EXOC6B: variants seen among roughly 807,000 people sequenced by gnomAD.
EXOC6B encodes the protein SEC15 homolog B.
A neutral mutation model predicts 113.5 loss-of-function variants in EXOC6B; 54 were observed. The ratio of observed to expected loss-of-function variants is 0.48; its 90% confidence interval spans 0.38 to 0.60. The LOEUF is 0.60. Ranked by LOEUF, EXOC6B falls within the 20% of genes least tolerant of loss-of-function variation. EXOC6B has a pLI of 0.00. For synonymous variants in EXOC6B, 357 were observed against 339.0 expected (o/e 1.05, Z -0.58); for missense variants, 797 against 977.5 (o/e 0.82, Z 2.46).
intron 20 of EXOC6B, among the ~76,000 whole-genome samples, chr2:72,205,370 A>G (rs1679775878): frequency 6.6e-6 from 1 of 152,062 alleles, no homozygotes; most frequent in African/African-American, 2.4e-5. Context: ...AGTAGAAAAA[A>G]AAAAAAGGAT....
intron 1 of EXOC6B, among the ~76,000 whole-genome samples, chr2:72,761,866 T>C (rs1022823381): frequency 6.6e-6 from 1 of 152,040 alleles, no homozygotes. Flanking sequence ...TAATCCCAGC[T>C]ACTCAGGAGG....
chr2:72,432,249 T>C (rs1387991604), intron 18 of EXOC6B, among the ~76,000 whole-genome samples: 2 of 152,110 alleles, frequency 1.3e-5, no homozygotes, highest in Non-Finnish European at 2.9e-5. Flanking sequence ...TTGGTCAAGC[T>C]GGTCTCGAAC....
intron 18 of EXOC6B, among the ~76,000 whole-genome samples, chr2:72,407,616 CAT>C (rs1344803570): frequency 6.6e-6 from 1 of 152,172 alleles, no homozygotes; most frequent in Non-Finnish European, 1.5e-5. Context: ...ACAAAAACCA[CAT>C]GATTATCTCA....
chr2:72,781,469 A>C (rs1427393754), intron 1 of EXOC6B, among the ~76,000 whole-genome samples: 1 of 152,228 alleles, frequency 6.6e-6, no homozygotes, highest in Non-Finnish European at 1.5e-5. Flanking sequence ...CTTTTTCTGT[A>C]AATAGCCACA....
chr2:72,189,155 T>A (rs1259817350), intron 20 of EXOC6B, among the ~76,000 whole-genome samples: 1 of 152,230 alleles, frequency 6.6e-6, no homozygotes, highest in Non-Finnish European at 1.5e-5. Flanking sequence ...CACTACATGA[T>A]ATAATTTTAG....
intron 1 of EXOC6B, among the ~76,000 whole-genome samples, chr2:72,798,678 TA>T (rs1440265803): frequency 6.6e-6 from 1 of 152,100 alleles, no homozygotes; most frequent in Non-Finnish European, 1.5e-5. Context: ...ATATTATATA[TA>T]TTTTTATTTT....
chr2:72,781,051 T>C (rs994995173), intron 1 of EXOC6B, among the ~76,000 whole-genome samples: 1 of 152,212 alleles, frequency 6.6e-6, no homozygotes, highest in African/African-American at 2.4e-5. Context: ...GGTAGATTAA[T>C]CTTTCTGTCA....
intron 5 of EXOC6B, 53 bp from the exon 6 acceptor site, chr2:72,718,360 C>T (rs1049625770): frequency 4.0e-6 from 6 of 1,500,232 alleles, no homozygotes; most frequent in South Asian, 2.4e-5. Flanking sequence ...TAGGGTTAGG[C>T]AAAATGTCTA....
chr2:72,736,358 T>C (rs887303540), intron 2 of EXOC6B, among the ~76,000 whole-genome samples: 5 of 152,174 alleles, frequency 3.3e-5, no homozygotes, highest in Non-Finnish European at 7.3e-5. Flanking sequence ...TGAAATAGCA[T>C]TGACAGTTGT....
At chr2:72,339,128 T>C (rs1688877262) in intron 19 of EXOC6B, among the ~76,000 whole-genome samples, 1 of 152,010 alleles carries the variant, frequency 6.6e-6, no homozygotes, top group Non-Finnish European at 1.5e-5. Flanking sequence ...AGAGGAAAAC[T>C]ACCACATGAG....
chr2:72,184,884 GAC>G (rs1678323137), intron 20 of EXOC6B, among the ~76,000 whole-genome samples: 2 of 152,200 alleles, frequency 1.3e-5, no homozygotes, highest in South Asian at 4.1e-4. Context: ...CATGATTGAG[GAC>G]ACAGAGTCTA....
intron 6 of EXOC6B, among the ~76,000 whole-genome samples, chr2:72,695,892 T>C: frequency 6.6e-6 from 1 of 152,198 alleles, no homozygotes; most frequent in East Asian, 1.9e-4. Flanking sequence ...ATCACATCTG[T>C]CAGGGCTGAC....
chr2:72,805,865 A>G (rs1685552650), intron 1 of EXOC6B, among the ~76,000 whole-genome samples: 1 of 152,122 alleles, frequency 6.6e-6, no homozygotes, highest in Non-Finnish European at 1.5e-5. Flanking sequence ...TTCCACATAT[A>G]AGTGAGATCA....
chr2:72,811,928 T>TG (rs1559022420), intron 1 of EXOC6B, among the ~76,000 whole-genome samples: 1 of 152,100 alleles, frequency 6.6e-6, no homozygotes, highest in Admixed American at 6.5e-5. Flanking sequence ...CAAAAAAACC[T>TG]AAAGTTAACA....
At chr2:72,568,291 A>G (rs1432446124) in intron 7 of EXOC6B, among the ~76,000 whole-genome samples, 1 of 151,526 alleles carries the variant, frequency 6.6e-6, no homozygotes, top group Non-Finnish European at 1.5e-5. Flanking sequence ...AAAACGAAGG[A>G]AAAAAATCTG....
chr2:72,401,550 T>TATATATATACATAC (rs1693221677), intron 18 of EXOC6B, among the ~76,000 whole-genome samples: 2 of 22,038 alleles, frequency 9.1e-5, no homozygotes, highest in Non-Finnish European at 1.4e-4. Flanking sequence ...TATATGTGTA[T>TATATATATACATAC]ATATATATAT....
At chr2:72,392,830 C>T (rs988345218) in intron 18 of EXOC6B, among the ~76,000 whole-genome samples, 1 of 152,072 alleles carries the variant, frequency 6.6e-6, no homozygotes, top group Non-Finnish European at 1.5e-5. Context: ...TCTGAAAGGA[C>T]CTTATACTTA....
chr2:72,180,038 C>G lies in EXOC6B; in HGVS notation c.2310-577G>C, dbSNP rs997641833. Among the ~76,000 whole-genome samples the G allele has an allele frequency of 2.0e-5, 3 of 152,302 alleles. No individual in the cohort carries two copies. In the East Asian group the frequency reaches 5.8e-4, roughly 29 times the overall value. ...AGGGCTTGACTGACCTTTTTCCTTT[C>G]GTCTCAGGGTAAAGGCACATAGGTG... On this transcript the variant is annotated intron_variant, in intron 21 of 21. Transcript: ENST00000272427.
intron 20 of EXOC6B, among the ~76,000 whole-genome samples, chr2:72,287,437 AAAAAAATAAAAAT>A (rs1326577826): frequency 2.0e-5 from 3 of 147,186 alleles, no homozygotes; most frequent in African/African-American, 7.9e-5. Flanking sequence ...TCTCAAAAAA[AAAAAAATAAAAAT>A]AAAAATAAAA....
Sources: allele counts gnomAD v4.1 joint callset (sites outside exome capture counted in the v4.1 genomes callset), GRCh38; gene constraint gnomAD v4.1.1; transcripts MANE v1.5; gene names NCBI Gene and HGNC (gene_info 2026-07-23, HGNC 2026-07-21).